The following ENTREP1 variants were observed in gnomAD, a reference collection of about 807,000 sequenced individuals.
ENTREP1 encodes the protein Friedreich ataxia region gene X123.
the ENTREP1 span, among the ~76,000 whole-genome samples, chr9:69,348,976 G>A: frequency 1.3e-5 from 2 of 151,936 alleles, no homozygotes; most frequent in African/African-American, 2.4e-5. Context: ...CTGAGGTCAG[G>A]AGTTTGAGAC....
At chr9:69,384,091 C>CT in the ENTREP1 span, 1 of 1,247,126 alleles carries the variant, frequency 8.0e-7, no homozygotes, top group Non-Finnish European at 1.2e-6. Context: ...GGCAAGGTGG[C>CT]TTATCTCTGT....
At chr9:69,332,066 C>T in the ENTREP1 span, among the ~76,000 whole-genome samples, 1 of 152,168 alleles carries the variant, frequency 6.6e-6, no homozygotes, top group Admixed American at 6.5e-5. Flanking sequence ...TTCCTTAAGT[C>T]TTGAGCTCTT....
the ENTREP1 span, chr9:69,391,706 A>G: frequency 6.2e-7 from 1 of 1,613,930 alleles, no homozygotes; most frequent in Non-Finnish European, 8.5e-7. Flanking sequence ...TCACACCTTC[A>G]CACCAGCGGG....
At chr9:69,329,008 G>A in the ENTREP1 span, among the ~76,000 whole-genome samples, 4 of 152,024 alleles carry the variant, frequency 2.6e-5, no homozygotes, top group Non-Finnish European at 5.9e-5. Flanking sequence ...CACTTAGCAT[G>A]TTTTCAAGCT....
At chr9:69,378,740 G>A in the ENTREP1 span, among the ~76,000 whole-genome samples, 6 of 143,896 alleles carry the variant, frequency 4.2e-5, no homozygotes, top group Non-Finnish European at 7.5e-5. Flanking sequence ...GCCTGGGTGA[G>A]AGCGAGACTT....
chr9:69,388,812 C>T, the ENTREP1 span, among the ~76,000 whole-genome samples: 1 of 152,168 alleles, frequency 6.6e-6, no homozygotes, highest in African/African-American at 2.4e-5. Context: ...GGCATGTTTT[C>T]TCAGCCCTTT....
chr9:69,375,575 G>T, the ENTREP1 span, among the ~76,000 whole-genome samples: 2 of 152,178 alleles, frequency 1.3e-5, no homozygotes, highest in African/African-American at 4.8e-5. Flanking sequence ...TTAGGTTTTG[G>T]TTGTTACCAT....
chr9:69,382,526 G>A, the ENTREP1 span: 1 of 152,188 alleles, frequency 6.6e-6, no homozygotes, highest in Non-Finnish European at 1.5e-5. Flanking sequence ...TCAAGCAAGG[G>A]ATGAGAGCCT....
At chr9:69,355,875 A>G in the ENTREP1 span, among the ~76,000 whole-genome samples, 3 of 152,172 alleles carry the variant, frequency 2.0e-5, no homozygotes, top group Admixed American at 2.0e-4. Flanking sequence ...GGTTTCTGAG[A>G]TGGAGTGTTT....
the ENTREP1 span, among the ~76,000 whole-genome samples, chr9:69,376,866 T>TG: frequency 2.0e-5 from 3 of 152,244 alleles, no homozygotes; most frequent in Non-Finnish European, 2.9e-5. Context: ...ATTTACACTC[T>TG]GGCTGGGCCA....
the ENTREP1 span, chr9:69,325,792 C>A: frequency 8.2e-7 from 1 of 1,212,584 alleles, no homozygotes; most frequent in Non-Finnish European, 1.0e-6. Context: ...CGTTCCTCTC[C>A]ATTGCCCCTT....
chr9:69,325,428 C>CGGGG, the ENTREP1 span: 1 of 976,362 alleles, frequency 1.0e-6, no homozygotes, highest in Non-Finnish European at 1.2e-6. Flanking sequence ...CCGCTGCCCC[C>CGGGG]GCTGCGGCCG....
chr9:69,340,666 C>CATGTGTGTGCAT, the ENTREP1 span, among the ~76,000 whole-genome samples: 29 of 108,738 alleles, frequency 2.7e-4, no homozygotes, highest in East Asian at 4.6e-3. Context: ...TGTGTGTGTG[C>CATGTGTGTGCAT]GTGTGTGTGT....
At chr9:69,381,665 AAAAC>A in the ENTREP1 span, 1 of 152,246 alleles carries the variant, frequency 6.6e-6, no homozygotes, top group Non-Finnish European at 1.5e-5. Context: ...AACAAAAACA[AAAAC>A]AAAAAACCAA....
the ENTREP1 span, chr9:69,377,844 G>GA: frequency 7.7e-7 from 1 of 1,295,968 alleles, no homozygotes; most frequent in South Asian, 1.7e-5. Flanking sequence ...ACTTTTCTTT[G>GA]AAAAAGAAAA....
chr9:69,382,362 CT>C, the ENTREP1 span: 1 of 152,230 alleles, frequency 6.6e-6, no homozygotes, highest in East Asian at 1.9e-4. Flanking sequence ...GAGAATCTCT[CT>C]TTCATAATAA....
At chr9:69,331,535 AAT>A in the ENTREP1 span, among the ~76,000 whole-genome samples, 27 of 152,318 alleles carry the variant, frequency 1.8e-4, 1 homozygote, top group African/African-American at 6.5e-4. Flanking sequence ...CTCTCATAAT[AAT>A]ATAGAGATTG....
chr9:69,384,031 A>G, the ENTREP1 span: 1 of 1,587,674 alleles, frequency 6.3e-7, no homozygotes, highest in Admixed American at 1.7e-5. Flanking sequence ...TCAAGGTAAT[A>G]GATACATTGT....
the ENTREP1 span, chr9:69,371,391 T>TA: frequency 3.4e-6 from 3 of 882,418 alleles, no homozygotes; most frequent in South Asian, 2.6e-5. Flanking sequence ...GATCTTTTTT[T>TA]AAAAAAATGT....
Sources: gnomAD v4.1 joint callset for allele counts (sites outside exome capture counted in the v4.1 genomes callset) on GRCh38, gnomAD v4.1.1 for gene constraint, MANE v1.5 for transcripts, NCBI Gene and HGNC (gene_info 2026-07-23, HGNC 2026-07-21) for gene names.